The following IGSF10 variants were observed in gnomAD, a reference collection of about 807,000 sequenced individuals.
The protein encoded by IGSF10 is calvaria mechanical force protein 608.
Under a neutral mutation model 128.2 loss-of-function variants are expected in IGSF10, and 126 were observed. That is an observed-to-expected ratio of 0.98 (90% CI 0.85 to 1.14). The LOEUF (loss-of-function observed/expected upper bound fraction) is 1.14, where lower values mean the gene tolerates loss of function less well. Ranked by LOEUF, IGSF10 falls within the 50% of genes most tolerant of loss-of-function variation. The probability of loss-of-function intolerance (pLI) is 0.00; values close to 1 mark genes in which losing one functional copy is unlikely to be tolerated. For synonymous variants in IGSF10, 1,185 were observed against 1,146.2 expected (o/e 1.03, Z -0.68); for missense variants, 3,295 against 3,149.8 (o/e 1.05, Z -1.10).
rs1289787680 is a variant in IGSF10 at position 151,438,606 on chromosome 3, A to G, written c.5964-9T>C. ...GGATCCAGCTGCCCACTCTAAGGAGAAAAGAGATTCATTTGAGTGTGCAGC... is the reference window on the plus strand; with the variant it reads ...GGATCCAGCTGCCCACTCTAAGGAGGAAAGAGATTCATTTGAGTGTGCAGC... On this transcript the variant is annotated splice_polypyrimidine_tract_variant and intron_variant, in intron 7 of 7. Coordinates refer to ENST00000282466, the MANE Select transcript of IGSF10 (RefSeq NM_178822.5). 1.9e-6 allele frequency: 3 copies of G among 1,600,586 alleles called. No homozygotes were observed. The highest frequency in any genetic ancestry group is 2.7e-5 in the African/African-American group (2 of 74,392).
chr3:151,536,024 A>G, the IGSF10 span, among the ~76,000 whole-genome samples: 2 of 152,240 alleles, frequency 1.3e-5, no homozygotes, highest in South Asian at 4.1e-4. Context: ...CTCAGTCTTC[A>G]TATTCTTTGG....
chr3:151,618,224 A>T, the IGSF10 span, among the ~76,000 whole-genome samples: 4 of 152,116 alleles, frequency 2.6e-5, no homozygotes, highest in African/African-American at 9.7e-5. Context: ...CCAGGAAGAG[A>T]GTCGTCACCA....
At chr3:151,525,025 TTTTTTTTTTTTTTTTTTTTA>T in the IGSF10 span, among the ~76,000 whole-genome samples, 2,255 of 111,174 alleles carry the variant, frequency 0.02, 37 homozygotes, top group African/African-American at 0.039. Flanking sequence ...TTTTTTTTTT[TTTTTTTTTTTTTTTTTTTTA>T]AAGAGAGCCT....
At chr3:151,531,229 C>G in the IGSF10 span, among the ~76,000 whole-genome samples, 1 of 152,104 alleles carries the variant, frequency 6.6e-6, no homozygotes, top group African/African-American at 2.4e-5. Flanking sequence ...GACTCCCACA[C>G]AATAACAGTG....
chr3:151,567,311 C>A, the IGSF10 span, among the ~76,000 whole-genome samples: 1 of 152,082 alleles, frequency 6.6e-6, no homozygotes, highest in Admixed American at 6.6e-5. Flanking sequence ...TTATTTGAGC[C>A]ACTTTATTAT....
chr3:151,523,562 T>C, the IGSF10 span, among the ~76,000 whole-genome samples: 1 of 152,084 alleles, frequency 6.6e-6, no homozygotes, highest in Non-Finnish European at 1.5e-5. Context: ...AAACAACCAA[T>C]GGGGAAAAGA....
chr3:151,568,766 G>A, the IGSF10 span, among the ~76,000 whole-genome samples: 1 of 152,160 alleles, frequency 6.6e-6, no homozygotes, highest in Non-Finnish European at 1.5e-5. Flanking sequence ...TTCTGGTAAA[G>A]GAAGAATGGG....
chr3:151,558,901 T>G, the IGSF10 span, among the ~76,000 whole-genome samples: 1 of 152,120 alleles, frequency 6.6e-6, no homozygotes, highest in African/African-American at 2.4e-5. Context: ...ACAATCTTCA[T>G]ATACAGTCAC....
chr3:151,529,508 G>C, the IGSF10 span, among the ~76,000 whole-genome samples: 8 of 152,152 alleles, frequency 5.3e-5, no homozygotes, highest in African/African-American at 1.9e-4. Flanking sequence ...TCCAGAGGAA[G>C]GAACAGGCAG....
the IGSF10 span, among the ~76,000 whole-genome samples, chr3:151,591,424 T>C: frequency 1.4e-5 from 2 of 146,938 alleles, no homozygotes; most frequent in African/African-American, 2.5e-5. Flanking sequence ...AATATATTTA[T>C]ATAAAAATAT....
chr3:151,605,657 A>C, the IGSF10 span, among the ~76,000 whole-genome samples: 1 of 152,220 alleles, frequency 6.6e-6, no homozygotes, highest in African/African-American at 2.4e-5. Context: ...AAGATGAAAA[A>C]CACTAAGGGT....
At chr3:151,480,679 G>A in the IGSF10 span, among the ~76,000 whole-genome samples, 2 of 151,918 alleles carry the variant, frequency 1.3e-5, no homozygotes, top group African/African-American at 4.8e-5. Flanking sequence ...CCCAAGCAGA[G>A]CTGCTTGGGT....
At position 151,445,615 on chromosome 3, in the gene IGSF10, T is replaced by C. The variant is rs764491864; in HGVS notation, c.4366A>G (p.Ile1456Val). ...GGTGGTATGGTTGAGTGTCTAATGATTGCTTTCCTAGTTGTGGTACTCTGG... is the reference window on the plus strand; with the variant it reads ...GGTGGTATGGTTGAGTGTCTAATGACTGCTTTCCTAGTTGTGGTACTCTGG... ...SHQSTTTRKA[I>V]IRHSTIPPFL... Residue 1456 changes from isoleucine (I) to valine (V), a missense_variant, in exon 6 of 8, where the codon ATC (isoleucine) becomes GTC (valine). Transcript: ENST00000282466. The C allele has an allele frequency of 6.2e-7, 1 of 1,614,238 alleles. No individual in the cohort carries two copies. Among genetic ancestry groups the C allele is most frequent in the South Asian group, 1.1e-5 (1 of 91,088 alleles).
At chr3:151,544,206 G>A in the IGSF10 span, among the ~76,000 whole-genome samples, 2 of 152,188 alleles carry the variant, frequency 1.3e-5, no homozygotes, top group South Asian at 4.1e-4. Flanking sequence ...ACCACACCTG[G>A]CCTGTCAAAT....
At chr3:151,519,121 A>G in the IGSF10 span, among the ~76,000 whole-genome samples, 3 of 151,962 alleles carry the variant, frequency 2.0e-5, no homozygotes, top group African/African-American at 7.2e-5. Context: ...AGCTATTGCT[A>G]CAATAATATT....
the IGSF10 span, among the ~76,000 whole-genome samples, chr3:151,552,003 A>G: frequency 1.3e-5 from 2 of 152,124 alleles, no homozygotes; most frequent in South Asian, 4.1e-4. Context: ...CCCCATCCAA[A>G]TCTCATGTTG....
At chr3:151,606,139 A>G in the IGSF10 span, among the ~76,000 whole-genome samples, 1 of 152,220 alleles carries the variant, frequency 6.6e-6, no homozygotes, top group Non-Finnish European at 1.5e-5. Flanking sequence ...CCACCTGTCT[A>G]AACATGCACG....
the IGSF10 span, among the ~76,000 whole-genome samples, chr3:151,489,250 A>C: frequency 1.3e-5 from 2 of 152,232 alleles, no homozygotes; most frequent in Non-Finnish European, 2.9e-5. Flanking sequence ...GTCATTAGAG[A>C]AATGCAAATC....
the IGSF10 span, among the ~76,000 whole-genome samples, chr3:151,526,098 A>G: frequency 6.6e-6 from 1 of 152,218 alleles, no homozygotes; most frequent in African/African-American, 2.4e-5. Context: ...CTATTTATCT[A>G]GCACATAACC....
Sources: allele counts gnomAD v4.1 joint callset (sites outside exome capture counted in the v4.1 genomes callset), GRCh38; gene constraint gnomAD v4.1.1; transcripts MANE v1.5; gene names NCBI Gene and HGNC (gene_info 2026-07-23, HGNC 2026-07-21).